Variants in HAPLN2 observed in about 807,000 individuals in gnomAD.
The protein encoded by HAPLN2 is brain link protein-1.
In HAPLN2, 27 loss-of-function variants were observed where a neutral mutation model predicts 29.3. The observed-to-expected ratio is 0.92, with a 90% CI of 0.68 to 1.27. HAPLN2 has a LOEUF of 1.27. HAPLN2 is among the 50% of genes most tolerant of loss of function. HAPLN2 has a pLI of 0.00. For missense variants in HAPLN2, 454 were observed against 484.3 expected (o/e 0.94, Z 0.59); for synonymous variants, 208 against 211.7 (o/e 0.98, Z 0.15).
Position 156,624,710 on chromosome 1 carries a change from G to T in HAPLN2, c.666G>T (p.Gly222=). 1 of 1,589,686 alleles carries T rather than the reference G, an allele frequency of 6.3e-7. No individual in the cohort carries two copies. The highest frequency in any genetic ancestry group is 8.5e-7 in the Non-Finnish European group (1 of 1,172,220). The change falls in exon 6 of 7, where the codon GGG becomes GGT. Residue 222 remains glycine (G), a synonymous_variant. Coordinates refer to ENST00000255039, the MANE Select transcript of HAPLN2 (RefSeq NM_021817.3). ...CGTGCGGCGGCCGAGGCCGGCCCGG[G>T]ATCCGCAGCTACGGACCCCGCGACC... ...RAPCGGRGRP[G]IRSYGPRDRM...
chr1:156,624,909 G>C, intron 6 of HAPLN2, 126 bp downstream of exon 6: 2 of 999,506 alleles, frequency 2.0e-6, no homozygotes, highest in South Asian at 1.8e-5. Flanking sequence ...CCCCCCATCA[G>C]CCCGCCCGCC....
At chr1:156,607,984 T>C in the HAPLN2 span, among the ~76,000 whole-genome samples, 1 of 152,228 alleles carries the variant, frequency 6.6e-6, no homozygotes, top group Non-Finnish European at 1.5e-5. Flanking sequence ...GATTCAATCC[T>C]TAGCCTAGGC....
In HAPLN2 at chr1:156,625,097, C is replaced by T. The variant is rs1246950798; in HGVS notation, c.740-4C>T. On this transcript the variant is annotated splice_polypyrimidine_tract_variant and splice_region_variant and intron_variant, in intron 6 of 6. Coordinates refer to ENST00000255039, the MANE Select transcript of HAPLN2 (RefSeq NM_021817.3). The surrounding 1 kb of genome is among the most constrained non-coding windows in gnomAD (Gnocchi z 5.7). ...CTCGGTCGGTGACCCGCTGTGGTCC[C>T]CAGGCCAAGTGTTCTTCGTGCCCGG... The T allele has an allele frequency of 1.3e-6, 2 of 1,537,016 alleles. No homozygotes were observed. The highest frequency in any genetic ancestry group is 1.7e-6 in the Non-Finnish European group (2 of 1,146,484).
chr1:156,603,010 A>G, the HAPLN2 span, among the ~76,000 whole-genome samples: 1 of 152,098 alleles, frequency 6.6e-6, no homozygotes, highest in African/African-American at 2.4e-5. Flanking sequence ...AATTTTTTCC[A>G]TAAAATTAAT....
rs893192574 is a variant in HAPLN2 at position 156,625,168 on chromosome 1, C to G, written c.807C>G (p.Gly269=). 9.7e-6 allele frequency: 15 copies of G among 1,545,252 alleles called. No homozygotes were observed. The highest frequency in any genetic ancestry group is 4.1e-5 in the African/African-American group (3 of 73,032). ...CCCACGCGGCGTGCCGGCGACGCGGCGCCGTGGTGGCCAAGGTTGGGCACC... is the reference window on the plus strand; with the variant it reads ...CCCACGCGGCGTGCCGGCGACGCGGGGCCGTGGTGGCCAAGGTTGGGCACC... The part of the protein sequence containing the change: ...SEAHAACRRR[G]AVVAKVGHLY... The change falls in exon 7 of 7, where the codon GGC becomes GGG. Residue 269 remains glycine (G), a synonymous_variant. Coordinates refer to ENST00000255039, the MANE Select transcript of HAPLN2 (RefSeq NM_021817.3). The surrounding 1 kb of genome is among the most constrained non-coding windows in gnomAD (Gnocchi z 5.7).
rs766195422 is a variant in HAPLN2, at chr1:156,624,083, A to C, written c.362A>C (p.Glu121Ala). The change falls in exon 4 of 7, where the codon GAG becomes GCG. Residue 121 changes from glutamate (E) to alanine (A), a missense_variant. By Grantham distance (107) the Glu-to-Ala change is moderately radical. Coordinates refer to ENST00000255039, the MANE Select transcript of HAPLN2 (RefSeq NM_021817.3). ...ASLVIAGVRL[E>A]DEGRYRCELI... is the part of the protein sequence containing the mutation. The stretch of plus-strand genomic sequence containing the variant: ...CTGGTCATCGCGGGCGTGCGCCTGG[A>C]GGACGAGGGCCGGTACCGCTGCGAG... 16 of 1,613,510 alleles carry C rather than the reference A, an allele frequency of 9.9e-6. No homozygotes were observed. The highest frequency in any genetic ancestry group is 3.3e-5 in the Admixed American group (2 of 59,982).
the HAPLN2 span, among the ~76,000 whole-genome samples, chr1:156,614,068 C>T: frequency 7.2e-5 from 11 of 152,078 alleles, no homozygotes; most frequent in African/African-American, 2.7e-4. Context: ...TAGAGATAGG[C>T]TACCTGGGTT....
At chr1:156,609,499 A>C in the HAPLN2 span, among the ~76,000 whole-genome samples, 1 of 152,238 alleles carries the variant, frequency 6.6e-6, no homozygotes, top group African/African-American at 2.4e-5. Context: ...TCAGTAAAAA[A>C]TTAATCCAAG....
chr1:156,601,997 G>C, the HAPLN2 span, among the ~76,000 whole-genome samples: 2 of 151,740 alleles, frequency 1.3e-5, no homozygotes, highest in Non-Finnish European at 2.9e-5. Context: ...GCAGTGGCGC[G>C]ATATCGACTC....
At chr1:156,614,576 G>A (rs746700653), upstream of HAPLN2, among the ~76,000 whole-genome samples, 5 of 152,236 alleles carry the variant, frequency 3.3e-5, no homozygotes, top group Non-Finnish European at 5.9e-5. Context: ...TGATTAATAC[G>A]TGTAGATCTT....
chr1:156,616,103 T>G (rs1386224785), upstream of HAPLN2, among the ~76,000 whole-genome samples: 4 of 152,126 alleles, frequency 2.6e-5, no homozygotes, highest in African/African-American at 9.7e-5. Context: ...TCAGGAAAAC[T>G]GGCCAGCTGA....
chr1:156,604,111 A>T, the HAPLN2 span, among the ~76,000 whole-genome samples: 2 of 152,196 alleles, frequency 1.3e-5, no homozygotes, highest in Admixed American at 1.3e-4. Context: ...ATGAATACTT[A>T]TAAGGAAATG....
chr1:156,624,693 G>T lies in HAPLN2; in HGVS notation c.649G>T (p.Gly217Cys). 1 of 1,595,950 alleles carries T rather than the reference G, an allele frequency of 6.3e-7. No individual in the cohort carries two copies. The highest frequency in any genetic ancestry group is 8.5e-7 in the Non-Finnish European group (1 of 1,174,228). ...GCTCACCGCACGCGCCCCGTGCGGC[G>T]GCCGAGGCCGGCCCGGGATCCGCAG... is the stretch of plus-strand genomic sequence containing the variant. ...PVLTARAPCG[G>C]RGRPGIRSYG... Residue 217 changes from glycine (G) to cysteine (C), a missense_variant, in exon 6 of 7, where the codon GGC becomes TGC. Physicochemically the swap from Gly to Cys is radical, Grantham distance 159 (BLOSUM62 -3). This residue lies in a region of HAPLN2 where 235 missense variants were observed against 236.9 expected (regional missense o/e 0.99). Transcript: ENST00000255039.
At chr1:156,608,788 G>A in the HAPLN2 span, among the ~76,000 whole-genome samples, 41 of 152,072 alleles carry the variant, frequency 2.7e-4, no homozygotes, top group East Asian at 6.6e-3. Flanking sequence ...TGATCCACCC[G>A]CCCTCTTTCT....
chr1:156,612,597 C>T, the HAPLN2 span, among the ~76,000 whole-genome samples: 2 of 152,178 alleles, frequency 1.3e-5, no homozygotes, highest in South Asian at 4.1e-4. Flanking sequence ...GGAGGAAGCA[C>T]AAATGGGTGA....
At chr1:156,607,916 A>G in the HAPLN2 span, among the ~76,000 whole-genome samples, 3 of 151,904 alleles carry the variant, frequency 2.0e-5, no homozygotes, top group African/African-American at 7.3e-5. Context: ...ACCTATTCGA[A>G]TATTATTCAC....
chr1:156,616,813 G>A (rs1273322620), upstream of HAPLN2, among the ~76,000 whole-genome samples: 2 of 152,146 alleles, frequency 1.3e-5, no homozygotes, highest in African/African-American at 2.4e-5. Context: ...TCGGCCGGGT[G>A]CAGTGGCTCA....
the HAPLN2 span, among the ~76,000 whole-genome samples, chr1:156,608,195 G>A: frequency 7.9e-5 from 12 of 152,216 alleles, no homozygotes; most frequent in Non-Finnish European, 1.3e-4. Flanking sequence ...AATAGGGGCC[G>A]ACAGAGCACA....
In HAPLN2 at chr1:156,625,184, G is replaced by T. The variant is rs1212910982; in HGVS notation, c.823G>T (p.Val275Phe). ...GCGACGCGGCGCCGTGGTGGCCAAG[G>T]TTGGGCACCTCTACGCCGCCTGGAA... ...CRRRGAVVAK[V>F]GHLYAAWKFS... is the part of the protein sequence containing the mutation. The change falls in exon 7 of 7, where the codon GTT becomes TTT. Residue 275 changes from valine (V) to phenylalanine (F), a missense_variant. Coordinates refer to ENST00000255039, the MANE Select transcript of HAPLN2 (RefSeq NM_021817.3). This position sits in a 1 kb window ranked among gnomAD's most constrained non-coding sequence, Gnocchi z 5.7. 3 of 1,549,750 alleles carry T rather than the reference G, an allele frequency of 1.9e-6. No individual in the cohort carries two copies. The highest frequency in any genetic ancestry group is 2.6e-6 in the Non-Finnish European group (3 of 1,148,542).
Sources: allele counts gnomAD v4.1 joint callset (sites outside exome capture counted in the v4.1 genomes callset), GRCh38; gene constraint gnomAD v4.1.1; regional missense constraint gnomAD v4.1.1; non-coding constraint Gnocchi (gnomAD v3.1); transcripts MANE v1.5; gene names NCBI Gene and HGNC (gene_info 2026-07-23, HGNC 2026-07-21).